The following ALS2CL variants were observed in gnomAD, a reference collection of about 807,000 sequenced individuals.
The protein encoded by ALS2CL is ALS2 C-terminal like, also known as ALS2 C-terminal-like protein.
Under a neutral mutation model 127.9 loss-of-function variants are expected in ALS2CL, and 112 were observed. The observed-to-expected ratio is 0.88, with a 90% confidence interval of 0.75 to 1.02. ALS2CL has a LOEUF of 1.02. Among genes scored for constraint, ALS2CL ranks in the 50% least tolerant of loss-of-function variants. ALS2CL has a pLI of 0.00. For synonymous variants in ALS2CL, 519 were observed against 527.6 expected (o/e 0.98, Z 0.22); for missense variants, 1,174 against 1,236.7 (o/e 0.95, Z 0.76).
In ALS2CL at chr3:46,678,249, A is replaced by G; in HGVS notation, c.1757+10T>C. ...AGATAGGCCCAGAGCCAGAGGGGCC[A>G]GGCACTCACCTCTTGCAGGTACTGC... On this transcript the variant is annotated intron_variant, in intron 16 of 25. Coordinates refer to ENST00000318962, the MANE Select transcript of ALS2CL (RefSeq NM_147129.5). 1 of 1,570,924 alleles carries G rather than the reference A, an allele frequency of 6.4e-7. No homozygotes were observed. Among genetic ancestry groups the G allele is most frequent in the Non-Finnish European group, 8.7e-7 (1 of 1,151,172 alleles).
At chr3:46,679,320 G>C in intron 14 of ALS2CL, 33 bp from the exon 15 acceptor site, 1 of 1,533,518 alleles carries the variant, frequency 6.5e-7, no homozygotes, top group Admixed American at 1.9e-5. Context: ...GGGTAGAAAG[G>C]GTGGGTGAGG....
At position 46,687,981 on chromosome 3, in the gene ALS2CL, A is replaced by C. The variant is rs551064420; in HGVS notation, c.302+117T>G. The C allele has an allele frequency of 7.0e-4, 907 of 1,294,928 alleles. 3 individuals carry two copies. The highest frequency in any genetic ancestry group is 8.8e-4 in the Non-Finnish European group (821 of 935,972). 80.2% of individuals were successfully genotyped at this position (1,294,928 alleles called of 1,614,324 possible). A position where few individuals can be genotyped will look rare whatever the true frequency, so the allele number is the denominator to read the frequency against. On this transcript the variant is annotated intron_variant, in intron 3 of 25. Coordinates refer to ENST00000318962, the MANE Select transcript of ALS2CL (RefSeq NM_147129.5). ...CCAGGTGAGCACCAACCATGGACTG[A>C]GCCCAAACCTTTGCTTGAACCCTGA...
intron 7 of ALS2CL, among the ~76,000 whole-genome samples, chr3:46,684,331 G>C (rs887051300): frequency 2.6e-5 from 4 of 152,274 alleles, no homozygotes; most frequent in African/African-American, 7.2e-5. Context: ...GTCAACCCCT[G>C]CTGGAAACCT....
chr3:46,681,055 G>T lies in ALS2CL; in HGVS notation c.1436+191C>A, dbSNP rs537538809. The T allele has an allele frequency of 3.0e-5, 27 of 897,392 alleles. No individual in the cohort carries two copies. The Admixed American group carries it at 4.9e-4, about 16-fold the overall frequency. 55.6% of individuals were successfully genotyped at this position (897,392 alleles called of 1,614,324 possible). A position where few individuals can be genotyped will look rare whatever the true frequency, so the allele number is the denominator to read the frequency against. ...ATGAGGAGGGGTGAGGGGCGGGGGC[G>T]ACCCTGCAGTCAGCGTGACCAAGAT... On this transcript the variant is annotated intron_variant, in intron 13 of 25. Transcript: ENST00000318962. This position sits in a 1 kb window ranked among gnomAD's most constrained non-coding sequence, Gnocchi z 4.9.
Position 46,687,155 on chromosome 3 carries a change from G to A in ALS2CL, c.369-7C>T. The A allele has an allele frequency of 1.3e-6, 2 of 1,556,622 alleles. No homozygotes were observed. Among genetic ancestry groups the A allele is most frequent in the Non-Finnish European group, 1.7e-6 (2 of 1,157,636 alleles). On this transcript the variant is annotated splice_region_variant and splice_polypyrimidine_tract_variant and intron_variant, in intron 4 of 25. Coordinates refer to ENST00000318962, the MANE Select transcript of ALS2CL (RefSeq NM_147129.5). ...CTGGCCCCGCCAGTACTCGCTGCGT[G>A]TAGAGAGGGCCACGCACCACCTTCA...
chr3:46,670,937 C>T lies in ALS2CL; in HGVS notation c.*47G>A. The T allele has an allele frequency of 6.4e-7, 1 of 1,570,136 alleles. No homozygotes were observed. The highest frequency in any genetic ancestry group is 8.8e-7 in the Non-Finnish European group (1 of 1,140,506). On this transcript the variant is annotated 3_prime_UTR_variant, in exon 26 of 26. Transcript: ENST00000318962. The surrounding 1 kb of genome is among the most constrained non-coding windows in gnomAD (Gnocchi z 5.5). ...CTTGCCTTGGGTAATGAGGGACAGG[C>T]TGGCAGTGCCCTGCTCAGCTCTTCA...
intron 7 of ALS2CL, 140 bp downstream of exon 7, chr3:46,685,385 A>G: frequency 7.1e-7 from 1 of 1,408,220 alleles, no homozygotes. Flanking sequence ...CCCCTCCCCA[A>G]CACAACGCCT....
intron 21 of ALS2CL, 119 bp downstream of exon 21, chr3:46,674,447 T>C (rs1473818293): frequency 7.5e-7 from 1 of 1,330,292 alleles, no homozygotes; most frequent in Non-Finnish European, 1.0e-6. Context: ...CCTGAATGCA[T>C]AAGCTTAGAA....
At chr3:46,688,428 A>T (rs1053695887) in intron 2 of ALS2CL, 132 bp from the exon 3 acceptor site, 1 of 839,678 alleles carries the variant, frequency 1.2e-6, no homozygotes, top group African/African-American at 1.7e-5. Flanking sequence ...CAGGGTCTGC[A>T]TCCCTGGGAT....
At position 46,677,253 on chromosome 3, in the gene ALS2CL, A is replaced by C; in HGVS notation, c.1758-231T>G. 3 of 1,380,570 alleles carry C rather than the reference A, an allele frequency of 2.2e-6. No individual in the cohort carries two copies. In the South Asian group the frequency reaches 5.1e-5, roughly 24 times the overall value. 85.5% of individuals were successfully genotyped at this position (1,380,570 alleles called of 1,614,324 possible). ...ACCCTGCGACGAGAAGACAGACAGA[A>C]GCATATGGAATCCTGGAAAGACGGA... On this transcript the variant is annotated intron_variant, in intron 16 of 25. Coordinates refer to ENST00000318962, the MANE Select transcript of ALS2CL (RefSeq NM_147129.5).
Position 46,685,591 on chromosome 3 carries a change from G to T in ALS2CL, c.720C>A (p.Pro240=), listed in dbSNP as rs150493754. The T allele has an allele frequency of 3.7e-6, 6 of 1,613,982 alleles. No individual in the cohort carries two copies. The Admixed American group carries it at 1.0e-4, about 27-fold the overall frequency. ...CAGCCCGCAACGGTGCGACCGTCAC[G>T]GGTACGTCCTGGCTGTCCTGAAGGA... ...HRLLQDSQDV[P]VTVAPLRAER... Residue 240 remains proline (P), a synonymous_variant, in exon 7 of 26, where the codon CCC becomes CCA. Coordinates refer to ENST00000318962, the MANE Select transcript of ALS2CL (RefSeq NM_147129.5).
At chr3:46,679,376 G>C in intron 14 of ALS2CL, 89 bp from the exon 15 acceptor site, 30 of 1,145,452 alleles carry the variant, frequency 2.6e-5, no homozygotes, top group Non-Finnish European at 3.4e-5. Flanking sequence ...AAAGAAGGGA[G>C]ATGTGCCCTG....
chr3:46,676,067 T>G, intron 19 of ALS2CL, 178 bp downstream of exon 19: 3 of 1,360,496 alleles, frequency 2.2e-6, no homozygotes, highest in Non-Finnish European at 2.9e-6. Flanking sequence ...GCTGGGCCTT[T>G]GCTCTCACCT....
intron 22 of ALS2CL, 90 bp from the exon 23 acceptor site, chr3:46,672,291 CA>C (rs1231094826): frequency 1.3e-6 from 2 of 1,489,156 alleles, no homozygotes; most frequent in African/African-American, 1.4e-5. Flanking sequence ...AGTCCCCCGC[CA>C]CCCTTCCCTT....
intron 22 of ALS2CL, 128 bp from the exon 23 acceptor site, chr3:46,672,329 C>T (rs888066686): frequency 2.5e-6 from 3 of 1,188,256 alleles, no homozygotes; most frequent in African/African-American, 3.0e-5. Flanking sequence ...GCAGCCCCAC[C>T]CTGAGGGCTG....
chr3:46,670,959 T>A lies in ALS2CL; in HGVS notation c.*25A>T, dbSNP rs1156440627. 4.4e-6 allele frequency: 7 copies of A among 1,605,468 alleles called. No individual in the cohort carries two copies. The highest frequency in any genetic ancestry group is 1.3e-5 in the African/African-American group (1 of 74,734). Reference sequence around the variant, plus strand: ...AGGCTGGCAGTGCCCTGCTCAGCTCTTCAGTCTGTCCAGGAAAGGCCAGGC... The same window carrying A: ...AGGCTGGCAGTGCCCTGCTCAGCTCATCAGTCTGTCCAGGAAAGGCCAGGC... On this transcript the variant is annotated 3_prime_UTR_variant, in exon 26 of 26. Transcript: ENST00000318962. The surrounding 1 kb of genome is among the most constrained non-coding windows in gnomAD (Gnocchi z 5.5).
chr3:46,687,061 C>T lies in ALS2CL; in HGVS notation c.456G>A (p.Gln152=). 1.3e-6 allele frequency: 2 copies of T among 1,598,732 alleles called. No individual in the cohort carries two copies. The highest frequency in any genetic ancestry group is 1.7e-6 in the Non-Finnish European group (2 of 1,177,998). ...GATGGGCGAGTGGCTGGTGGAGGGC[C>T]TGGCCCAGCGATGCGCCCACCGAGC... ...SEGSVGASLG[Q]ALHQPLAHHV... Residue 152 remains glutamine (Q), a synonymous_variant, in exon 5 of 26, where the codon CAG becomes CAA. Transcript: ENST00000318962.
chr3:46,693,576 C>T (rs1340395253), intron 1 of ALS2CL, 67 bp downstream of exon 1: 2 of 152,404 alleles, frequency 1.3e-5, no homozygotes, highest in East Asian at 3.8e-4. Context: ...GGAGCCCCCA[C>T]CTGGACGAGC....
chr3:46,679,518 G>C, intron 14 of ALS2CL: 1 of 331,958 alleles, frequency 3.0e-6, no homozygotes, highest in Non-Finnish European at 5.5e-6. Context: ...GACACCCTCC[G>C]CCCTGGCTCC....
Sources: allele counts gnomAD v4.1 joint callset (sites outside exome capture counted in the v4.1 genomes callset), GRCh38; gene constraint gnomAD v4.1.1; non-coding constraint Gnocchi (gnomAD v3.1); transcripts MANE v1.5; gene names NCBI Gene and HGNC (gene_info 2026-07-23, HGNC 2026-07-21).